The following MAST2 variants were observed in gnomAD, a reference collection of about 807,000 sequenced individuals.
MAST2 encodes microtubule-associated serine/threonine-protein kinase 2.
MAST2 carries 70 observed loss-of-function variants against 147.4 expected under a neutral mutation model. The ratio of observed to expected loss-of-function variants is 0.47; its 90% CI spans 0.39 to 0.58. The LOEUF is 0.58. Among genes scored for constraint, MAST2 ranks in the 20% least tolerant of loss-of-function variants. The pLI, the probability that MAST2 is intolerant of heterozygous loss-of-function variation, is 0.00. For synonymous variants in MAST2, 869 were observed against 896.8 expected (o/e 0.97, Z 0.55); for missense variants, 2,080 against 2,302.3 (o/e 0.90, Z 1.98).
At chr1:45,922,782 T>A (rs922982190) in intron 4 of MAST2, among the ~76,000 whole-genome samples, 6 of 151,960 alleles carry the variant, frequency 3.9e-5, no homozygotes, top group Admixed American at 1.3e-4. Context: ...CACTTTTCCC[T>A]GGCTCCCACC....
At chr1:45,965,141 A>G (rs1660988700) in intron 5 of MAST2, among the ~76,000 whole-genome samples, 1 of 152,152 alleles carries the variant, frequency 6.6e-6, no homozygotes, top group South Asian at 2.1e-4. Flanking sequence ...ACTTCCAACT[A>G]TGTGGTCAAT....
chr1:45,987,964 G>A (rs1644715563), intron 5 of MAST2, among the ~76,000 whole-genome samples: 1 of 151,520 alleles, frequency 6.6e-6, no homozygotes, highest in Admixed American at 6.6e-5. Flanking sequence ...CTAATATAAT[G>A]TAGTGATATA....
chr1:45,860,598 A>G (rs1645946837), intron 3 of MAST2, among the ~76,000 whole-genome samples: 1 of 151,970 alleles, frequency 6.6e-6, no homozygotes, highest in Non-Finnish European at 1.5e-5. Context: ...TTGGGAGGCC[A>G]AGGCAGGCGG....
intron 3 of MAST2, among the ~76,000 whole-genome samples, chr1:45,849,024 A>C (rs1645535262): frequency 6.6e-6 from 1 of 152,218 alleles, no homozygotes; most frequent in South Asian, 2.1e-4. Flanking sequence ...ACTGCTAACC[A>C]GGGAGGTGCA....
At chr1:46,000,438 T>C (rs1440012863) in intron 6 of MAST2, among the ~76,000 whole-genome samples, 1 of 152,186 alleles carries the variant, frequency 6.6e-6, no homozygotes, top group East Asian at 1.9e-4. Flanking sequence ...GACCCAGGTG[T>C]GTGTAGACCA....
intron 3 of MAST2, among the ~76,000 whole-genome samples, chr1:45,837,816 T>C (rs529808675): frequency 1.4e-4 from 22 of 152,354 alleles, no homozygotes; most frequent in African/African-American, 5.3e-4. Flanking sequence ...TTCACTCTTG[T>C]TGCCCAGGCT....
At chr1:45,862,722 G>A (rs971173905) in intron 3 of MAST2, among the ~76,000 whole-genome samples, 2 of 152,008 alleles carry the variant, frequency 1.3e-5, no homozygotes, top group Non-Finnish European at 2.9e-5. Flanking sequence ...CACTTGCCTC[G>A]GCCTCCCAAA....
At chr1:45,857,549 T>C (rs945684357) in intron 3 of MAST2, among the ~76,000 whole-genome samples, 1 of 152,210 alleles carries the variant, frequency 6.6e-6, no homozygotes, top group African/African-American at 2.4e-5. Context: ...ACCACTGTGA[T>C]GGGCCTGATG....
chr1:45,808,023 T>TC (rs1644191064), intron 1 of MAST2, among the ~76,000 whole-genome samples: 1 of 152,210 alleles, frequency 6.6e-6, no homozygotes, highest in Admixed American at 6.5e-5. Context: ...AACTTTTTTT[T>TC]CCCTTTCTCA....
chr1:45,809,833 A>C (rs1195799246), intron 1 of MAST2, among the ~76,000 whole-genome samples: 3 of 152,220 alleles, frequency 2.0e-5, no homozygotes, highest in African/African-American at 4.8e-5. Flanking sequence ...AAGAGATCAA[A>C]TGCAAAAATG....
chr1:45,885,054 A>G (rs1389841847), intron 4 of MAST2, among the ~76,000 whole-genome samples: 1 of 152,218 alleles, frequency 6.6e-6, no homozygotes, highest in Non-Finnish European at 1.5e-5. Flanking sequence ...GAATAAGTTT[A>G]ATTACTACAA....
intron 19 of MAST2, 69 bp downstream of exon 19, chr1:46,029,636 T>C: frequency 1.3e-6 from 2 of 1,488,670 alleles, no homozygotes; most frequent in East Asian, 2.3e-5. Context: ...TCATGTACCC[T>C]GGAGGTTCAG....
chr1:45,805,013 A>G (rs777961899), intron 1 of MAST2, among the ~76,000 whole-genome samples: 6 of 148,760 alleles, frequency 4.0e-5, no homozygotes, highest in Non-Finnish European at 7.4e-5. Context: ...TAGGTCTCTT[A>G]CCTCTTTTCT....
In MAST2 at chr1:46,030,141, G is replaced by C; in HGVS notation, c.2456G>C (p.Arg819Pro). Reference sequence around the variant, plus strand: ...ATGTCTGGCCCAGCCCGCTCAGAGCGATACCACCACATGGACTCGGAGGAT... The same window carrying C: ...ATGTCTGGCCCAGCCCGCTCAGAGCCATACCACCACATGGACTCGGAGGAT... ...DTSYFDTRSE[R>P]YHHMDSEDEE... is the part of the protein sequence containing the mutation. Residue 819 changes from arginine to proline, a missense_variant, in exon 21 of 29, where the codon CGA (arginine) becomes CCA (proline). Arg to Pro is a moderately radical substitution (Grantham distance 103). Around this residue, in one of 4 missense-constraint regions of MAST2, gnomAD observed 1,278 missense variants for 1,304.2 expected, o/e 0.98. Coordinates refer to ENST00000361297, the MANE Select transcript of MAST2 (RefSeq NM_015112.3). The C allele has an allele frequency of 6.2e-7, 1 of 1,614,236 alleles. No homozygotes were observed. The highest frequency in any genetic ancestry group is 1.1e-5 in the South Asian group (1 of 91,080).
intron 3 of MAST2, among the ~76,000 whole-genome samples, chr1:45,866,231 A>T (rs1295408848): frequency 6.6e-6 from 1 of 152,138 alleles, no homozygotes; most frequent in African/African-American, 2.4e-5. Context: ...CTGAATCTTT[A>T]GCAGTTGACC....
chr1:46,030,269 A>G (rs773336469), intron 21 of MAST2, 31 bp downstream of exon 21: 14 of 1,601,760 alleles, frequency 8.7e-6, no homozygotes, highest in Non-Finnish European at 1.2e-5. Context: ...AATGGGCAGA[A>G]CAGGCTGGAG....
intron 5 of MAST2, among the ~76,000 whole-genome samples, chr1:45,963,244 C>A (rs1338457488): frequency 6.6e-6 from 1 of 152,124 alleles, no homozygotes; most frequent in Non-Finnish European, 1.5e-5. Context: ...CTTGGCAATG[C>A]GGGCTCTTTT....
At position 46,022,069 on chromosome 1, in the gene MAST2, G is replaced by C; in HGVS notation, c.1410G>C (p.Arg470=). 1 of 1,614,104 alleles carries C rather than the reference G, an allele frequency of 6.2e-7. No homozygotes were observed. Among genetic ancestry groups the C allele is most frequent in the South Asian group, 1.1e-5 (1 of 91,076 alleles). Residue 470 remains arginine (R), a synonymous_variant, in exon 12 of 29, where the codon CGG becomes CGC. Transcript: ENST00000361297. ...TCGTTAGCCAGCTGGGCCTCACCCG[G>C]GATCCCCTAGAAGGTGAGCATGCTG... ...RYIVSQLGLT[R]DPLEEMAQLS...
rs1157892924 is a variant in MAST2 at position 46,029,855 on chromosome 1, AC to A, written c.2348del (p.Pro783HisfsTer49). ...GTGSAYEVKQ[H>X]PFFTGLDWTG... is the part of the protein sequence containing the mutation. ...GGCAGTGCCTATGAGGTGAAGCAGC[AC>A]CCATTCTTTACTGGTCTGGACTGGA... is the stretch of plus-strand genomic sequence containing the variant. On this transcript the variant is annotated frameshift_variant, in exon 20 of 29. Coordinates refer to ENST00000361297, the MANE Select transcript of MAST2 (RefSeq NM_015112.3). LOFTEE classifies it high-confidence loss of function. 6.2e-7 allele frequency: 1 copy of A among 1,614,166 alleles called. No individual in the cohort carries two copies. Among genetic ancestry groups the A allele is most frequent in the Non-Finnish European group, 8.5e-7 (1 of 1,180,026 alleles).
Sources: allele counts gnomAD v4.1 joint callset (sites outside exome capture counted in the v4.1 genomes callset), GRCh38; gene constraint gnomAD v4.1.1; regional missense constraint gnomAD v4.1.1; transcripts MANE v1.5; gene names NCBI Gene and HGNC (gene_info 2026-07-23, HGNC 2026-07-21).